Variants in RANBP17 observed in about 807,000 individuals in gnomAD.
RANBP17 encodes the protein RAN binding protein 17.
In RANBP17, 158 loss-of-function variants were observed where a neutral mutation model predicts 141.2. The ratio of observed to expected loss-of-function variants is 1.12; its 90% confidence interval spans 0.98 to 1.28. The LOEUF (loss-of-function observed/expected upper bound fraction) is 1.28. RANBP17 is among the 50% of genes most tolerant of loss of function. The pLI is 0.00. For synonymous variants in RANBP17, 430 were observed against 450.0 expected, an observed-to-expected ratio of 0.96 and a Z score of 0.56; for missense variants, 1,438 against 1,290.7, an observed-to-expected ratio of 1.11 and a Z score of -1.75.
chr5:171,226,306 G>C (rs1209260527), intron 22 of RANBP17, among the ~76,000 whole-genome samples: 1 of 152,024 alleles, frequency 6.6e-6, no homozygotes, highest in Non-Finnish European at 1.5e-5. Context: ...ACATCTGTTG[G>C]TTGAAGAGTG....
chr5:171,292,561 C>T (rs1198304826), intron 25 of RANBP17, among the ~76,000 whole-genome samples: 5 of 152,188 alleles, frequency 3.3e-5, no homozygotes, highest in African/African-American at 9.7e-5. Context: ...GCCAGGCCAC[C>T]AAAGCCCAGT....
At chr5:170,862,516 C>T (rs1766886805) in intron 1 of RANBP17, among the ~76,000 whole-genome samples, 1 of 152,226 alleles carries the variant, frequency 6.6e-6, no homozygotes, top group South Asian at 2.1e-4. Flanking sequence ...ACAGTTGAGC[C>T]CCAGCCGGAG....
intron 25 of RANBP17, among the ~76,000 whole-genome samples, chr5:171,290,693 A>G (rs1444668554): frequency 6.6e-6 from 1 of 152,232 alleles, no homozygotes; most frequent in Non-Finnish European, 1.5e-5. Flanking sequence ...TTGGTTGTAT[A>G]TGTGTCTGTG....
intron 3 of RANBP17, among the ~76,000 whole-genome samples, chr5:170,890,158 A>G (rs1455101767): frequency 6.6e-6 from 1 of 152,170 alleles, no homozygotes; most frequent in Non-Finnish European, 1.5e-5. Context: ...AGTGGTCACT[A>G]CTACCCACAT....
intron 14 of RANBP17, among the ~76,000 whole-genome samples, chr5:171,136,615 G>A (rs981692083): frequency 2.0e-5 from 3 of 152,078 alleles, no homozygotes; most frequent in African/African-American, 7.2e-5. Flanking sequence ...CTCTTTAAAA[G>A]CAAGACTCAG....
At chr5:170,979,889 A>G (rs1352319858) in intron 14 of RANBP17, among the ~76,000 whole-genome samples, 1 of 152,212 alleles carries the variant, frequency 6.6e-6, no homozygotes, top group Non-Finnish European at 1.5e-5. Context: ...GAACTGGGTA[A>G]CAGGCAGAGG....
At chr5:171,074,005 A>G (rs954620325) in intron 14 of RANBP17, among the ~76,000 whole-genome samples, 12 of 152,170 alleles carry the variant, frequency 7.9e-5, no homozygotes, top group African/African-American at 2.9e-4. Context: ...AATTATATAA[A>G]TACTATCCCC....
chr5:171,136,406 T>A (rs935274981), intron 14 of RANBP17, among the ~76,000 whole-genome samples: 1 of 151,302 alleles, frequency 6.6e-6, no homozygotes, highest in East Asian at 1.9e-4. Flanking sequence ...TTTTCTCACC[T>A]TTTTTTTTCT....
chr5:171,286,835 G>C (rs1768199882), intron 25 of RANBP17, among the ~76,000 whole-genome samples: 1 of 152,220 alleles, frequency 6.6e-6, no homozygotes, highest in Admixed American at 6.5e-5. Context: ...GCCTAATCCT[G>C]GGTCTCCAAC....
chr5:170,887,859 G>C (rs935488406), intron 3 of RANBP17, among the ~76,000 whole-genome samples: 3 of 152,220 alleles, frequency 2.0e-5, no homozygotes, highest in South Asian at 2.1e-4. Context: ...TGACAAAAGG[G>C]GGCTGAAATC....
At position 170,919,442 on chromosome 5, in the gene RANBP17, A is replaced by G; in HGVS notation, c.1103A>G (p.His368Arg). 1 of 1,561,476 alleles carries G rather than the reference A, an allele frequency of 6.4e-7. No individual in the cohort carries two copies. The highest frequency in any genetic ancestry group is 8.6e-7 in the Non-Finnish European group (1 of 1,156,720). ...AACTTCTGCTTTATTTCTTTGTAGC[A>G]CTGGGAATTTGCTCCTAACAGTGTT... is the stretch of plus-strand genomic sequence containing the variant. ...IANFTITSLQ[H>R]WEFAPNSVHY... Residue 368 changes from histidine to arginine, a missense_variant and splice_region_variant, in exon 11 of 28, where the codon CAC becomes CGC. His to Arg is a conservative substitution (Grantham distance 29). Coordinates refer to ENST00000523189, the MANE Select transcript of RANBP17 (RefSeq NM_022897.5).
At chr5:171,210,327 C>T (rs1762802430) in intron 20 of RANBP17, among the ~76,000 whole-genome samples, 2 of 152,108 alleles carry the variant, frequency 1.3e-5, no homozygotes, top group Admixed American at 1.3e-4. Flanking sequence ...TTCTCTGTGG[C>T]AGTCACCTCT....
At chr5:171,163,645 C>A (rs532997927) in intron 14 of RANBP17, among the ~76,000 whole-genome samples, 2 of 152,260 alleles carry the variant, frequency 1.3e-5, no homozygotes, top group African/African-American at 4.8e-5. Context: ...ATATTGGATC[C>A]TTTCCAGTGA....
intron 14 of RANBP17, among the ~76,000 whole-genome samples, chr5:171,067,498 A>G (rs1023117168): frequency 7.9e-5 from 12 of 152,152 alleles, no homozygotes; most frequent in African/African-American, 2.7e-4. Flanking sequence ...CCTTCGAGTT[A>G]CAGTATAATG....
intron 14 of RANBP17, among the ~76,000 whole-genome samples, chr5:171,084,459 T>C (rs984792596): frequency 3.9e-5 from 3 of 77,178 alleles, no homozygotes; most frequent in African/African-American, 1.3e-4. Flanking sequence ...TGATTTATAG[T>C]CCTTTGGGTA....
intron 26 of RANBP17, among the ~76,000 whole-genome samples, 173 bp from the exon 27 acceptor site, chr5:171,295,714 C>G (rs1298438562): frequency 6.6e-6 from 1 of 152,130 alleles, no homozygotes; most frequent in African/African-American, 2.4e-5. Context: ...CTAGGAGTGT[C>G]TCTATGGCAT....
intron 14 of RANBP17, among the ~76,000 whole-genome samples, chr5:171,103,436 T>C (rs1787317967): frequency 6.6e-6 from 1 of 152,106 alleles, no homozygotes; most frequent in Non-Finnish European, 1.5e-5. Flanking sequence ...TTGGTAATGG[T>C]GGATTCCCCT....
chr5:171,181,256 A>G (rs1407085524), intron 16 of RANBP17, among the ~76,000 whole-genome samples: 1 of 152,064 alleles, frequency 6.6e-6, no homozygotes, highest in Non-Finnish European at 1.5e-5. Flanking sequence ...CAAGACCAGC[A>G]TGACCAACGT....
intron 14 of RANBP17, among the ~76,000 whole-genome samples, chr5:170,999,166 T>G (rs1359682088): frequency 6.6e-6 from 1 of 152,080 alleles, no homozygotes; most frequent in East Asian, 1.9e-4. Context: ...ATTAATTGAT[T>G]TTTCACAAGT....
Sources: allele counts gnomAD v4.1 joint callset (sites outside exome capture counted in the v4.1 genomes callset), GRCh38; gene constraint gnomAD v4.1.1; transcripts MANE v1.5; gene names NCBI Gene and HGNC (gene_info 2026-07-23, HGNC 2026-07-21).